The following SRPK1 variants were observed in gnomAD, a reference collection of about 807,000 sequenced individuals.
SRPK1 encodes the protein SFRS protein kinase 1.
In SRPK1, 52 loss-of-function variants were observed where a neutral mutation model predicts 89.5. The observed-to-expected ratio is 0.58, with a 90% CI of 0.46 to 0.73. SRPK1 has a LOEUF of 0.73. Among genes scored for constraint, SRPK1 ranks in the 30% least tolerant of loss-of-function variants. The pLI is 0.00. For missense variants in SRPK1, 603 were observed against 780.6 expected (o/e 0.77, Z 2.71); for synonymous variants, 255 against 270.2 (o/e 0.94, Z 0.55).
chr6:35,875,960 T>C (rs1770146996), intron 6 of SRPK1, among the ~76,000 whole-genome samples: 1 of 151,956 alleles, frequency 6.6e-6, no homozygotes, highest in Non-Finnish European at 1.5e-5. Context: ...TTCGAATGCA[T>C]ATTCTAATGC....
At chr6:35,897,055 T>C (rs562317166) in intron 2 of SRPK1, among the ~76,000 whole-genome samples, 1 of 152,266 alleles carries the variant, frequency 6.6e-6, no homozygotes, top group East Asian at 1.9e-4. Context: ...AGGGTCTGAG[T>C]AAAGCGAGTA....
In SRPK1 at chr6:35,892,653, AAACAACAACAAC is replaced by A. The variant is rs34158380; in HGVS notation, c.75-1652_75-1641del. On this transcript the variant is annotated intron_variant, in intron 2 of 15. Coordinates refer to ENST00000373825, the MANE Select transcript of SRPK1 (RefSeq NM_003137.5). ...GGCAACAGGGCAAGATTCTGTCTAA[AAACAACAACAAC>A]AACAACAACAACAACAACAACAACG... 3.4e-4 allele frequency among the ~76,000 whole-genome samples: 50 copies of A among 148,528 alleles called. No homozygotes were observed. In the East Asian group the frequency reaches 4.4e-3, roughly 13 times the overall value.
chr6:35,919,144 C>G (rs1369373037), intron 2 of SRPK1, among the ~76,000 whole-genome samples: 3 of 152,214 alleles, frequency 2.0e-5, no homozygotes, highest in African/African-American at 7.2e-5. Context: ...GGATTAAAAA[C>G]TGGTTTTGAA....
intron 13 of SRPK1, among the ~76,000 whole-genome samples, chr6:35,844,005 GTT>G (rs35051574): frequency 7.2e-5 from 9 of 125,668 alleles, no homozygotes; most frequent in Admixed American, 8.3e-5. Context: ...CACAACAGCA[GTT>G]TTTTTTTTTT....
At chr6:35,915,126 G>T (rs1771059303) in intron 2 of SRPK1, among the ~76,000 whole-genome samples, 1 of 152,158 alleles carries the variant, frequency 6.6e-6, no homozygotes, top group African/African-American at 2.4e-5. Context: ...GAGGAAGGCC[G>T]GGTATGGCGG....
At chr6:35,882,868 G>T (rs1229797822) in intron 6 of SRPK1, among the ~76,000 whole-genome samples, 2 of 152,054 alleles carry the variant, frequency 1.3e-5, no homozygotes, top group African/African-American at 4.8e-5. Flanking sequence ...GAGTGCAGTG[G>T]CATGATCTCA....
intron 6 of SRPK1, among the ~76,000 whole-genome samples, chr6:35,880,076 G>GAAA (rs34517286): frequency 1.0e-5 from 1 of 95,828 alleles, no homozygotes; most frequent in Non-Finnish European, 2.1e-5. Flanking sequence ...CCTTGTCTCA[G>GAAA]AAAAAAAAAA....
chr6:35,869,347 G>A (rs1486293402), intron 11 of SRPK1, 135 bp downstream of exon 11: 11 of 1,112,830 alleles, frequency 9.9e-6, no homozygotes, highest in East Asian at 7.2e-5. Flanking sequence ...GTTAGCTACA[G>A]ATTACAATTT....
At chr6:35,836,754 C>CAATAATAATAAT (rs10540061) in intron 15 of SRPK1, among the ~76,000 whole-genome samples, 136 of 143,378 alleles carry the variant, frequency 9.5e-4, no homozygotes, top group African/African-American at 2.5e-3. Context: ...TACCCTGTCT[C>CAATAATAATAAT]AATAATAATA....
intron 15 of SRPK1, among the ~76,000 whole-genome samples, 190 bp from the exon 16 acceptor site, chr6:35,835,678 T>C (rs1769163717): frequency 6.6e-6 from 1 of 152,196 alleles, no homozygotes; most frequent in Non-Finnish European, 1.5e-5. Context: ...CTATTCTTCA[T>C]ACGGCTCCAA....
chr6:35,916,225 CAAATAAAT>C (rs34486563), intron 2 of SRPK1, among the ~76,000 whole-genome samples: 1 of 143,102 alleles, frequency 7.0e-6, no homozygotes, highest in Non-Finnish European at 1.5e-5. Flanking sequence ...GACTCTGCCT[CAAATAAAT>C]AAATAAATAA....
intron 14 of SRPK1, among the ~76,000 whole-genome samples, chr6:35,839,401 T>TTA (rs1769254344): frequency 6.6e-6 from 1 of 152,232 alleles, no homozygotes; most frequent in Non-Finnish European, 1.5e-5. Flanking sequence ...GAGCTAAAAC[T>TTA]CAGATGAAAA....
chr6:35,868,129 C>T (rs543293348), intron 12 of SRPK1, among the ~76,000 whole-genome samples: 6 of 151,996 alleles, frequency 3.9e-5, no homozygotes, highest in Non-Finnish European at 7.4e-5. Flanking sequence ...TGCGCCAACA[C>T]GCCTGGCTAA....
chr6:35,885,984 C>T (rs763384549), intron 6 of SRPK1, among the ~76,000 whole-genome samples: 42 of 152,220 alleles, frequency 2.8e-4, no homozygotes, highest in African/African-American at 9.9e-4. Context: ...AAAGTTGAGG[C>T]TTAGTATAAT....
Position 35,888,087 on chromosome 6 carries a change from T to G in SRPK1, c.327A>C (p.Lys109Asn). Reference sequence around the variant, plus strand: ...TGTAATGTTCAGCACTTTTAACTACTTTCATTGCCACAAATTTCTTCCCCC... The same window carrying G: ...TGTAATGTTCAGCACTTTTAACTACGTTCATTGCCACAAATTTCTTCCCCC... ...DIQGKKFVAM[K>N]VVKSAEHYTE... Residue 109 changes from lysine (K) to asparagine (N), a missense_variant, in exon 5 of 16, where the codon AAA becomes AAC. Transcript: ENST00000373825. 1 of 1,606,688 alleles carries G rather than the reference T, an allele frequency of 6.2e-7. No individual in the cohort carries two copies. The highest frequency in any genetic ancestry group is 8.5e-7 in the Non-Finnish European group (1 of 1,177,996).
chr6:35,835,607 A>T (rs910107309), intron 15 of SRPK1, 119 bp from the exon 16 acceptor site: 21 of 814,870 alleles, frequency 2.6e-5, no homozygotes, highest in Admixed American at 1.3e-4. Context: ...TTGCAATCAG[A>T]ATCTAATCCT....
intron 2 of SRPK1, among the ~76,000 whole-genome samples, chr6:35,897,039 G>T (rs542736922): frequency 6.6e-6 from 1 of 152,286 alleles, no homozygotes; most frequent in Admixed American, 6.5e-5. Flanking sequence ...TAGATTAGCG[G>T]TTGCCAGGGT....
chr6:35,858,097 TTTA>T (rs1769703451), intron 12 of SRPK1, among the ~76,000 whole-genome samples: 1 of 152,194 alleles, frequency 6.6e-6, no homozygotes, highest in East Asian at 1.9e-4. Context: ...TCATTATTCA[TTTA>T]TTTTTTATCA....
chr6:35,885,458 CA>C (rs986521275), intron 6 of SRPK1, among the ~76,000 whole-genome samples: 1 of 152,090 alleles, frequency 6.6e-6, no homozygotes, highest in African/African-American at 2.4e-5. Flanking sequence ...GACTTTAGAA[CA>C]ATAGTCTTTC....
Sources: allele counts gnomAD v4.1 joint callset (sites outside exome capture counted in the v4.1 genomes callset), GRCh38; gene constraint gnomAD v4.1.1; transcripts MANE v1.5; gene names NCBI Gene and HGNC (gene_info 2026-07-23, HGNC 2026-07-21).